ROBO2: variants seen among roughly 807,000 people sequenced by gnomAD.
The protein encoded by ROBO2 is roundabout guidance receptor 2.
Under a neutral mutation model 160.8 loss-of-function variants are expected in ROBO2, and 53 were observed. That is an observed-to-expected ratio of 0.33 (90% CI 0.26 to 0.41). ROBO2 has a LOEUF of 0.41. Ranked by LOEUF, ROBO2 falls within the 10% of genes least tolerant of loss-of-function variation. The pLI, the probability that ROBO2 is intolerant of heterozygous loss-of-function variation, is 1.00. For missense variants in ROBO2, 1,577 were observed against 1,722.4 expected (o/e 0.92, Z 1.49); for synonymous variants, 664 against 611.7 (o/e 1.09, Z -1.26).
At position 75,940,874 on chromosome 3, in the gene ROBO2, A is replaced by G. The variant is rs1948024336; in HGVS notation, c.109+3272A>G. Among the ~76,000 whole-genome samples the G allele has an allele frequency of 2.0e-5, 3 of 152,242 alleles. No individual in the cohort carries two copies. The South Asian group carries it at 6.2e-4, about 32-fold the overall frequency. ...AAGAGGGACTATAGAGAGGCACCAGAAAACCCAACTCATTTACAGGATTCT... is the reference window on the plus strand; with the variant it reads ...AAGAGGGACTATAGAGAGGCACCAGGAAACCCAACTCATTTACAGGATTCT... On this transcript the variant is annotated intron_variant, in intron 2 of 26. Coordinates refer to the ROBO2 transcript ENST00000487694.
chr3:76,316,545 A>G (rs1438457601), intron 2 of ROBO2, among the ~76,000 whole-genome samples: 1 of 152,150 alleles, frequency 6.6e-6, no homozygotes, highest in Non-Finnish European at 1.5e-5. Flanking sequence ...TTCAAGGTGC[A>G]CTGATATCAT....
intron 2 of ROBO2, among the ~76,000 whole-genome samples, chr3:76,722,335 T>C (rs2107731026): frequency 6.6e-6 from 1 of 152,252 alleles, no homozygotes; most frequent in Middle Eastern, 3.4e-3. Flanking sequence ...TTGGCCAGGC[T>C]GATATCGAAC....
intron 2 of ROBO2, among the ~76,000 whole-genome samples, chr3:76,533,421 A>G (rs549960161): frequency 6.6e-6 from 1 of 152,350 alleles, no homozygotes; most frequent in African/African-American, 2.4e-5. Context: ...AGAAACTGCA[A>G]CAGTTATTTA....
At chr3:76,221,374 CA>C (rs951485924) in intron 2 of ROBO2, among the ~76,000 whole-genome samples, 4 of 151,772 alleles carry the variant, frequency 2.6e-5, no homozygotes, top group African/African-American at 7.3e-5. Flanking sequence ...TCTCATTTTA[CA>C]AGTGGGTAAC....
intron 2 of ROBO2, among the ~76,000 whole-genome samples, chr3:77,223,172 A>T (rs541239409): frequency 2.7e-4 from 41 of 152,224 alleles, no homozygotes; most frequent in African/African-American, 8.7e-4. Context: ...ATGAAGAATG[A>T]CTCTATGAAC....
intron 2 of ROBO2, among the ~76,000 whole-genome samples, chr3:77,241,515 A>C (rs953148627): frequency 2.0e-5 from 3 of 152,230 alleles, no homozygotes; most frequent in Non-Finnish European, 4.4e-5. Context: ...CACTATTGTC[A>C]ATAAAACTTT....
chr3:77,466,387 A>G (rs1279251004), intron 2 of ROBO2, among the ~76,000 whole-genome samples: 1 of 152,156 alleles, frequency 6.6e-6, no homozygotes, highest in Non-Finnish European at 1.5e-5. Context: ...TAATCTATTC[A>G]GTTAGGCTTT....
chr3:77,283,614 T>C (rs1402506931), intron 2 of ROBO2, among the ~76,000 whole-genome samples: 1 of 152,180 alleles, frequency 6.6e-6, no homozygotes, highest in African/African-American at 2.4e-5. Context: ...TTTGAGGCTT[T>C]TGAACATACC....
chr3:77,596,658 A>C, exon 19 of ROBO2: 1 of 1,613,996 alleles, frequency 6.2e-7, no homozygotes, highest in Non-Finnish European at 8.5e-7. Flanking sequence ...GATCCCAGCT[A>C]TCCATGGCTT....
At chr3:77,015,616 G>A (rs988874183) in intron 2 of ROBO2, among the ~76,000 whole-genome samples, 5 of 152,010 alleles carry the variant, frequency 3.3e-5, no homozygotes, top group Non-Finnish European at 5.9e-5. Context: ...AAACAATATG[G>A]GCCAATAATT....
intron 2 of ROBO2, among the ~76,000 whole-genome samples, chr3:76,306,329 T>C (rs964379510): frequency 6.6e-6 from 1 of 151,986 alleles, no homozygotes; most frequent in Non-Finnish European, 1.5e-5. Flanking sequence ...CTCATACACA[T>C]TCAATCATTA....
intron 2 of ROBO2, among the ~76,000 whole-genome samples, chr3:76,425,516 GTGTGTGTGTC>G (rs1472764050): frequency 4.6e-5 from 4 of 86,026 alleles, no homozygotes; most frequent in South Asian, 3.6e-4. Context: ...GTGTGTGTGT[GTGTGTGTGTC>G]TGTGTGTGTG....
chr3:76,487,613 G>A (rs1305050388), intron 2 of ROBO2, among the ~76,000 whole-genome samples: 1 of 152,088 alleles, frequency 6.6e-6, no homozygotes, highest in Non-Finnish European at 1.5e-5. Context: ...TATTATCAGG[G>A]CAGAAGTTCG....
chr3:76,692,757 A>G (rs1327370222), intron 2 of ROBO2, among the ~76,000 whole-genome samples: 1 of 152,076 alleles, frequency 6.6e-6, no homozygotes, highest in African/African-American at 2.4e-5. Flanking sequence ...AATTTCTGGA[A>G]TGCATAATCC....
intron 2 of ROBO2, among the ~76,000 whole-genome samples, chr3:77,430,655 C>T (rs1184041779): frequency 6.6e-6 from 1 of 152,138 alleles, no homozygotes; most frequent in East Asian, 1.9e-4. Flanking sequence ...TTGCTCCTTC[C>T]ACTACAGGAG....
chr3:77,001,183 G>A (rs1303759395), intron 2 of ROBO2, among the ~76,000 whole-genome samples: 1 of 152,090 alleles, frequency 6.6e-6, no homozygotes, highest in Non-Finnish European at 1.5e-5. Flanking sequence ...CGTACTTTGA[G>A]GAAAATAGGG....
At chr3:77,299,788 G>A (rs935537929) in intron 2 of ROBO2, among the ~76,000 whole-genome samples, 8 of 152,182 alleles carry the variant, frequency 5.3e-5, no homozygotes, top group Admixed American at 2.6e-4. Flanking sequence ...GAGGAACAAC[G>A]ATAATAATAC....
chr3:77,157,365 A>G (rs1302480030), intron 2 of ROBO2, among the ~76,000 whole-genome samples: 2 of 152,114 alleles, frequency 1.3e-5, no homozygotes. Flanking sequence ...ACTGTAAACT[A>G]TATTCAGCTT....
At chr3:76,570,997 A>G (rs1282050056) in intron 2 of ROBO2, among the ~76,000 whole-genome samples, 1 of 152,190 alleles carries the variant, frequency 6.6e-6, no homozygotes, top group Non-Finnish European at 1.5e-5. Context: ...TTATGTAATG[A>G]AGATTAAAGA....
Sources: allele counts gnomAD v4.1 joint callset (sites outside exome capture counted in the v4.1 genomes callset), GRCh38; gene constraint gnomAD v4.1.1; transcripts MANE v1.5; gene names NCBI Gene and HGNC (gene_info 2026-07-23, HGNC 2026-07-21).